GOLGA1: variants seen among roughly 807,000 people sequenced by gnomAD.
GOLGA1 encodes golgin A1.
GOLGA1 carries 63 observed loss-of-function variants against 119.7 expected under a neutral mutation model. That is an observed-to-expected ratio of 0.53 (90% confidence interval 0.43 to 0.65). The LOEUF (loss-of-function observed/expected upper bound fraction) is 0.65. Ranked by LOEUF, GOLGA1 falls within the 30% of genes least tolerant of loss-of-function variation. The pLI is 0.00. For synonymous variants in GOLGA1, 318 were observed against 333.4 expected (o/e 0.95, Z 0.50); for missense variants, 798 against 912.8 (o/e 0.87, Z 1.62).
At chr9:124,911,820 C>T (rs1830346321) in intron 11 of GOLGA1, 81 bp downstream of exon 11, 1 of 1,289,006 alleles carries the variant, frequency 7.8e-7, no homozygotes, top group Non-Finnish European at 1.1e-6. Context: ...CCCTACAGCT[C>T]TGAAACTCTA....
At chr9:124,882,636 C>T (rs549972796) in intron 19 of GOLGA1, 67 bp from the exon 20 acceptor site, 13 of 1,303,114 alleles carry the variant, frequency 1.0e-5, no homozygotes, top group Non-Finnish European at 1.2e-5. Flanking sequence ...GAAACAGACC[C>T]GAAGATCCCA....
intron 8 of GOLGA1, among the ~76,000 whole-genome samples, chr9:124,922,554 A>C (rs1830592231): frequency 6.6e-6 from 1 of 151,032 alleles, no homozygotes; most frequent in Non-Finnish European, 1.5e-5. Context: ...CTATCTCAAA[A>C]AAAAAAAAAA....
chr9:124,905,441 G>A (rs1169890573), intron 12 of GOLGA1, among the ~76,000 whole-genome samples: 1 of 152,102 alleles, frequency 6.6e-6, no homozygotes, highest in Non-Finnish European at 1.5e-5. Context: ...CAGCCTGGAT[G>A]AGAGTGAGAC....
At chr9:124,937,991 G>A (rs1359264117) in intron 3 of GOLGA1, among the ~76,000 whole-genome samples, 1 of 150,706 alleles carries the variant, frequency 6.6e-6, no homozygotes, top group East Asian at 2.0e-4. Context: ...GCTGAGGCAC[G>A]AGAATTGCTT....
chr9:124,911,018 T>A (rs1433780551), intron 11 of GOLGA1, among the ~76,000 whole-genome samples: 8 of 152,224 alleles, frequency 5.3e-5, no homozygotes, highest in Non-Finnish European at 1.2e-4. Context: ...AGCATGGACA[T>A]TCTGATTCTA....
rs1375960912 is a variant in GOLGA1 at position 124,881,050 on chromosome 9, T to C, written c.2223+121A>G. On this transcript the variant is annotated intron_variant, in intron 22 of 22. Transcript: ENST00000373555. The surrounding 1 kb of genome is among the most constrained non-coding windows in gnomAD (Gnocchi z 4.9). Reference sequence around the variant, plus strand: ...CAAGTTCATCCAAAAGCAGCCAAGCTGATCATGCAGCTGTGCTGGTGCCTA... The same window carrying C: ...CAAGTTCATCCAAAAGCAGCCAAGCCGATCATGCAGCTGTGCTGGTGCCTA... The C allele has an allele frequency of 4.3e-6, 3 of 702,664 alleles. No homozygotes were observed. The highest frequency in any genetic ancestry group is 1.8e-5 in the African/African-American group (1 of 56,256). 43.5% of individuals were successfully genotyped at this position (702,664 alleles called of 1,614,324 possible).
chr9:124,888,453 C>T lies in GOLGA1; in HGVS notation c.1762-57G>A. 1 of 1,514,210 alleles carries T rather than the reference C, an allele frequency of 6.6e-7. No homozygotes were observed. The highest frequency in any genetic ancestry group is 1.1e-5 in the South Asian group (1 of 88,618). The allele number at this position is 1,514,210 out of a possible 1,614,324, so 93.8% of individuals were successfully genotyped here. A position where few individuals can be genotyped will look rare whatever the true frequency, so the allele number is the denominator to read the frequency against. Reference sequence around the variant, plus strand: ...GGACAGGTCAGGTGAAGCTGAGCCACAGGTACACAGGGAAGGGGAGCTAGA... The same window carrying T: ...GGACAGGTCAGGTGAAGCTGAGCCATAGGTACACAGGGAAGGGGAGCTAGA... On this transcript the variant is annotated intron_variant, in intron 18 of 22. Transcript: ENST00000373555. This position sits in a 1 kb window ranked among gnomAD's most constrained non-coding sequence, Gnocchi z 4.4.
intron 6 of GOLGA1, 46 bp from the exon 7 acceptor site, chr9:124,926,787 T>C: frequency 3.0e-6 from 3 of 1,016,740 alleles, no homozygotes; most frequent in South Asian, 1.6e-5. Context: ...GAAGAGTATC[T>C]GTAATACCAA....
Position 124,879,658 on chromosome 9 carries a change from A to AG in GOLGA1, c.*871dup, listed in dbSNP as rs1028040935. The stretch of plus-strand genomic sequence containing the variant: ...GAGCAGTGCCAGAGTGCGAGTGAGA[A>AG]GACAAAGGAACAGGAATCCTAGTTT... On this transcript the variant is annotated 3_prime_UTR_variant, in exon 23 of 23. Transcript: ENST00000373555. The AG allele has an allele frequency of 1.3e-5, 2 of 151,648 alleles. No homozygotes were observed. Among genetic ancestry groups the AG allele is most frequent in the African/African-American group, 4.9e-5 (2 of 41,204 alleles). 9.4% of individuals were successfully genotyped at this position (151,648 alleles called of 1,614,324 possible).
chr9:124,883,104 AT>A (rs35331600), intron 19 of GOLGA1, among the ~76,000 whole-genome samples: 51,910 of 148,626 alleles, frequency 0.35, 9,318 homozygotes, highest in Middle Eastern at 0.47. Context: ...TTGGAAAATA[AT>A]TTTTTTTTTT....
chr9:124,882,093 G>T, intron 20 of GOLGA1, 139 bp from the exon 21 acceptor site: 1 of 638,710 alleles, frequency 1.6e-6, no homozygotes. Flanking sequence ...AGCACCTCCA[G>T]GTAGGCTTGA....
At chr9:124,929,924 C>T (rs977946703) in intron 4 of GOLGA1, among the ~76,000 whole-genome samples, 1 of 152,124 alleles carries the variant, frequency 6.6e-6, no homozygotes, top group Admixed American at 6.5e-5. Context: ...TCTGTCAGTC[C>T]TTAGCTGGGG....
intron 15 of GOLGA1, among the ~76,000 whole-genome samples, chr9:124,893,121 T>C (rs1026839268): frequency 2.6e-5 from 4 of 152,170 alleles, no homozygotes; most frequent in Non-Finnish European, 4.4e-5. Context: ...TGCCCCAGTC[T>C]CCTGAGTAGC....
At chr9:124,904,985 C>T (rs1416915285) in intron 12 of GOLGA1, among the ~76,000 whole-genome samples, 3 of 138,432 alleles carry the variant, frequency 2.2e-5, no homozygotes, top group African/African-American at 5.3e-5. Flanking sequence ...TAAAAAAATA[C>T]AAAAAAAAAA....
rs567359288 is a variant in GOLGA1 at position 124,902,402 on chromosome 9, G to A, written c.1066-1855C>T. 1.8e-4 allele frequency among the ~76,000 whole-genome samples: 28 copies of A among 152,010 alleles called. No homozygotes were observed. In the East Asian group the frequency reaches 3.1e-3, roughly 17 times the overall value. On this transcript the variant is annotated intron_variant, in intron 12 of 22. Coordinates refer to ENST00000373555, the MANE Select transcript of GOLGA1 (RefSeq NM_002077.4). Reference sequence around the variant, plus strand: ...GCTGGGATTACAGGTGTGATTCACCGCGCCCAGCTGGGGAGCTTTATTATT... The same window carrying A: ...GCTGGGATTACAGGTGTGATTCACCACGCCCAGCTGGGGAGCTTTATTATT...
At chr9:124,910,172 G>C (rs575362309) in intron 11 of GOLGA1, among the ~76,000 whole-genome samples, 1 of 151,988 alleles carries the variant, frequency 6.6e-6, no homozygotes. Flanking sequence ...CTTGTGATCC[G>C]CCCGCCTCGG....
rs1048655389 is a variant in GOLGA1, at chr9:124,923,368, C to T, written c.433-145G>A. On this transcript the variant is annotated intron_variant, in intron 7 of 22. Transcript: ENST00000373555. ...CCCAGGCTGGCCTTGAACTCCTGGG[C>T]TCATGCAATCCTCCCGCCTTGGCCT... The T allele has an allele frequency of 9.6e-6, 6 of 622,692 alleles. No homozygotes were observed. In the African/African-American group the frequency reaches 1.1e-4, roughly 12 times the overall value. 38.6% of individuals were successfully genotyped at this position (622,692 alleles called of 1,614,324 possible).
At chr9:124,891,113 T>TC (rs1292704602) in intron 15 of GOLGA1, among the ~76,000 whole-genome samples, 1 of 152,126 alleles carries the variant, frequency 6.6e-6, no homozygotes, top group Non-Finnish European at 1.5e-5. Context: ...ATGGATTCCT[T>TC]CAAGCATCAG....
At chr9:124,882,414 G>A (rs1829609589) in intron 20 of GOLGA1, 96 bp downstream of exon 20, 1 of 842,406 alleles carries the variant, frequency 1.2e-6, no homozygotes, top group Middle Eastern at 2.6e-4. Context: ...GGGGGTGGAG[G>A]GAGCATAGTC....
Sources: gnomAD v4.1 joint callset for allele counts (sites outside exome capture counted in the v4.1 genomes callset) on GRCh38, gnomAD v4.1.1 for gene constraint, Gnocchi (gnomAD v3.1) non-coding constraint, MANE v1.5 for transcripts, NCBI Gene and HGNC (gene_info 2026-07-23, HGNC 2026-07-21) for gene names.